Variants in JPH3 observed in about 807,000 individuals in gnomAD.
JPH3 encodes junctophilin-3.
In JPH3, 11 loss-of-function variants were observed where a neutral mutation model predicts 59.6. The ratio of observed to expected loss-of-function variants is 0.18; its 90% CI spans 0.12 to 0.31. The LOEUF is 0.31. JPH3 is among the 10% of genes least tolerant of loss of function. The probability of loss-of-function intolerance (pLI) is 1.00; values close to 1 mark genes in which losing one functional copy is unlikely to be tolerated. For missense variants in JPH3, 1,202 were observed against 1,105.7 expected (o/e 1.09, Z -1.24); for synonymous variants, 673 against 483.6 (o/e 1.39, Z -5.14).
chr16:87,681,721 G>A (rs1216087466), intron 2 of JPH3, among the ~76,000 whole-genome samples: 1 of 152,210 alleles, frequency 6.6e-6, no homozygotes, highest in Non-Finnish European at 1.5e-5. Flanking sequence ...AAGGTCAAGT[G>A]CATGTGGTCA....
intron 1 of JPH3, among the ~76,000 whole-genome samples, chr16:87,634,186 C>G (rs1416512155): frequency 1.3e-5 from 2 of 152,132 alleles, no homozygotes; most frequent in Non-Finnish European, 2.9e-5. Context: ...CAGCGCAGGG[C>G]TCTCACTGTC....
chr16:87,641,115 T>C (rs2031935983), intron 1 of JPH3, among the ~76,000 whole-genome samples: 1 of 152,176 alleles, frequency 6.6e-6, no homozygotes, highest in Non-Finnish European at 1.5e-5. Context: ...CCCGTGCCCA[T>C]CACAACTGCC....
chr16:87,603,620 C>T (rs2030355999), intron 1 of JPH3, 92 bp downstream of exon 1: 3 of 1,435,356 alleles, frequency 2.1e-6, no homozygotes, highest in South Asian at 2.8e-5. Context: ...TGAGCTGCGT[C>T]CTCCGGTTGG....
chr16:87,674,745 T>C (rs961628763), intron 2 of JPH3, among the ~76,000 whole-genome samples: 1 of 152,200 alleles, frequency 6.6e-6, no homozygotes, highest in African/African-American at 2.4e-5. Flanking sequence ...ACTTGTGTTT[T>C]ACTTTTGTAT....
Position 87,611,245 on chromosome 16 carries a change from G to T in JPH3, c.382+7717G>T, listed in dbSNP as rs1459385400. ...ATAATTCAGGGTTTCTCATGCCACA[G>T]TGGGGGTCCTGAATGGGAGCACCAC... On this transcript the variant is annotated intron_variant, in intron 1 of 4. Transcript: ENST00000284262. The surrounding 1 kb of genome is among the most constrained non-coding windows in gnomAD (Gnocchi z 4.5). Among the ~76,000 whole-genome samples the T allele has an allele frequency of 6.6e-6, 1 of 152,222 alleles. No individual in the cohort carries two copies. The highest frequency in any genetic ancestry group is 2.4e-5 in the African/African-American group (1 of 41,452).
chr16:87,609,078 C>T (rs749798192), intron 1 of JPH3, among the ~76,000 whole-genome samples: 1 of 152,204 alleles, frequency 6.6e-6, no homozygotes, highest in Non-Finnish European at 1.5e-5. Context: ...TCAGTCGGTG[C>T]ATGGATTCCA....
intron 2 of JPH3, among the ~76,000 whole-genome samples, chr16:87,664,174 A>G (rs1234657583): frequency 6.6e-6 from 1 of 151,996 alleles, no homozygotes. Context: ...TACTAAAAAT[A>G]TAAAAAATTA....
chr16:87,645,071 G>A (rs756243808), intron 2 of JPH3, 36 bp downstream of exon 2: 7 of 1,569,550 alleles, frequency 4.5e-6, no homozygotes, highest in Non-Finnish European at 6.0e-6. Flanking sequence ...CCTTCTTGGT[G>A]CCCAGAAGGT....
rs774769237 is a variant in JPH3 at position 87,645,043 on chromosome 16, G to A, written c.1160+8G>A. The stretch of plus-strand genomic sequence containing the variant: ...TGAGATCGCGGCTTCCAGGTAGGAG[G>A]GCGAGGGGGCGGGGGGCCCTTCTTG... On this transcript the variant is annotated splice_region_variant and intron_variant, in intron 2 of 4. Transcript: ENST00000284262. 2.5e-6 allele frequency: 4 copies of A among 1,595,030 alleles called. No homozygotes were observed. The highest frequency in any genetic ancestry group is 3.4e-6 in the Non-Finnish European group (4 of 1,176,506).
intron 1 of JPH3, among the ~76,000 whole-genome samples, chr16:87,612,300 T>A (rs1009535659): frequency 3.9e-5 from 6 of 152,110 alleles, no homozygotes; most frequent in African/African-American, 1.4e-4. Flanking sequence ...AGTTTTGTTA[T>A]TTGTTGTAGA....
intron 1 of JPH3, chr16:87,604,219 G>C (rs1020348853): frequency 4.2e-6 from 6 of 1,436,250 alleles, no homozygotes; most frequent in Non-Finnish European, 5.5e-6. Flanking sequence ...TGAGGGAATC[G>C]ATCTGTGCCT....
In JPH3 at chr16:87,611,955, G is replaced by C. The variant is rs1195210738; in HGVS notation, c.382+8427G>C. 1.3e-5 allele frequency among the ~76,000 whole-genome samples: 2 copies of C among 152,170 alleles called. No homozygotes were observed. The highest frequency in any genetic ancestry group is 1.3e-4 in the Admixed American group (2 of 15,278). On this transcript the variant is annotated intron_variant, in intron 1 of 4. Coordinates refer to ENST00000284262, the MANE Select transcript of JPH3 (RefSeq NM_020655.4). The surrounding 1 kb of genome is among the most constrained non-coding windows in gnomAD (Gnocchi z 4.5). ...CCTCCAGGGTCAGGATGTGTGTTTG[G>C]AGATGCTCAGGTGGCTGCAGTGCAG...
chr16:87,626,197 C>G (rs1386410644), intron 1 of JPH3, among the ~76,000 whole-genome samples: 1 of 152,128 alleles, frequency 6.6e-6, no homozygotes, highest in Non-Finnish European at 1.5e-5. Flanking sequence ...GTAACTGGGT[C>G]TTCAAGGCAG....
chr16:87,673,146 TAA>T (rs113855698), intron 2 of JPH3, among the ~76,000 whole-genome samples: 3 of 143,104 alleles, frequency 2.1e-5, no homozygotes. Flanking sequence ...ACTCTGTCAT[TAA>T]AAAAAAAAAA....
chr16:87,687,257 G>A (rs1004317423), intron 3 of JPH3, among the ~76,000 whole-genome samples: 3 of 152,172 alleles, frequency 2.0e-5, no homozygotes, highest in African/African-American at 7.2e-5. Context: ...ACAGATGACA[G>A]AACAGAGCCT....
intron 2 of JPH3, among the ~76,000 whole-genome samples, chr16:87,652,906 G>A (rs1038065193): frequency 2.0e-5 from 3 of 152,254 alleles, no homozygotes; most frequent in Non-Finnish European, 4.4e-5. Context: ...ACCCACTACA[G>A]ACACAGCTAA....
intron 1 of JPH3, among the ~76,000 whole-genome samples, chr16:87,613,642 A>G (rs2030822196): frequency 6.6e-6 from 1 of 152,070 alleles, no homozygotes; most frequent in East Asian, 1.9e-4. Flanking sequence ...TTTTGAATAT[A>G]TTTTTGATCT....
intron 3 of JPH3, among the ~76,000 whole-genome samples, chr16:87,687,372 A>G (rs2033443753): frequency 6.6e-6 from 1 of 152,160 alleles, no homozygotes. Context: ...TAGAGAAGCA[A>G]ACCATCCAGC....
rs182807985 is a variant in JPH3 at position 87,611,807 on chromosome 16, C to G, written c.382+8279C>G. ...TTCAGGCGATGCTGAGGCTGCTGAT[C>G]TGGGGACCTCACATTAAGAACCACA... On this transcript the variant is annotated intron_variant, in intron 1 of 4. Coordinates refer to ENST00000284262, the MANE Select transcript of JPH3 (RefSeq NM_020655.4). This position sits in a 1 kb window ranked among gnomAD's most constrained non-coding sequence, Gnocchi z 4.5. Among the ~76,000 whole-genome samples the G allele has an allele frequency of 6.6e-5, 10 of 152,328 alleles. No homozygotes were observed. Among genetic ancestry groups the G allele is most frequent in the Admixed American group, 4.6e-4 (7 of 15,300 alleles).
Sources: gnomAD v4.1 joint callset for allele counts (sites outside exome capture counted in the v4.1 genomes callset) on GRCh38, gnomAD v4.1.1 for gene constraint, Gnocchi (gnomAD v3.1) non-coding constraint, MANE v1.5 for transcripts, NCBI Gene and HGNC (gene_info 2026-07-23, HGNC 2026-07-21) for gene names.